Variants in HIVEP1 observed in about 807,000 individuals in gnomAD.
HIVEP1 encodes zinc finger protein 40.
HIVEP1 carries 36 observed loss-of-function variants against 180.0 expected under a neutral mutation model. That is an observed-to-expected ratio of 0.20 (90% CI 0.15 to 0.26). The LOEUF is 0.26. Among genes scored for constraint, HIVEP1 ranks in the 10% least tolerant of loss-of-function variants. The pLI is 1.00. For missense variants in HIVEP1, 3,143 were observed against 3,268.7 expected, an observed-to-expected ratio of 0.96 and a Z score of 0.94; for synonymous variants, 1,239 against 1,239.0, an observed-to-expected ratio of 1.00 and a Z score of 0.00.
intron 2 of HIVEP1, among the ~76,000 whole-genome samples, chr6:12,056,843 G>GT (rs1015193739): frequency 0.017 from 2,470 of 143,656 alleles, 57 homozygotes; most frequent in African/African-American, 0.055. Context: ...TTTTGTTTTT[G>GT]TTTTTTTTTT....
At chr6:12,054,669 CT>C (rs931275753) in intron 2 of HIVEP1, among the ~76,000 whole-genome samples, 46 of 152,220 alleles carry the variant, frequency 3.0e-4, no homozygotes, top group African/African-American at 1.1e-3. Context: ...CCATAATGAA[CT>C]TTTTTTGCTG....
intron 6 of HIVEP1, among the ~76,000 whole-genome samples, chr6:12,135,419 C>T (rs977761738): frequency 1.3e-4 from 20 of 152,096 alleles, no homozygotes; most frequent in Non-Finnish European, 2.8e-4. Flanking sequence ...TGAGAAAGAG[C>T]CAGCAGTCAT....
intron 2 of HIVEP1, among the ~76,000 whole-genome samples, chr6:12,079,441 T>C (rs1476739447): frequency 2.0e-5 from 3 of 152,196 alleles, no homozygotes; most frequent in African/African-American, 7.2e-5. Flanking sequence ...GAAGTGCACA[T>C]TGAACTTTTC....
At chr6:12,107,574 C>T (rs1774516524) in intron 3 of HIVEP1, among the ~76,000 whole-genome samples, 1 of 152,102 alleles carries the variant, frequency 6.6e-6, no homozygotes, top group Non-Finnish European at 1.5e-5. Flanking sequence ...CAGTTTGTTC[C>T]TTCTGATGTT....
intron 2 of HIVEP1, among the ~76,000 whole-genome samples, chr6:12,077,817 G>C (rs938256475): frequency 4.6e-5 from 7 of 152,092 alleles, no homozygotes; most frequent in Admixed American, 3.3e-4. Flanking sequence ...CTCAAGAGGG[G>C]GTTGGACAGT....
At chr6:12,014,850 C>T (rs1212801539) in intron 1 of HIVEP1, among the ~76,000 whole-genome samples, 2 of 152,196 alleles carry the variant, frequency 1.3e-5, no homozygotes, top group East Asian at 1.9e-4. Flanking sequence ...GTGTTTCTGG[C>T]GTATGCTGTG....
intron 3 of HIVEP1, among the ~76,000 whole-genome samples, chr6:12,102,882 C>T (rs1365747654): frequency 6.6e-6 from 1 of 152,024 alleles, no homozygotes; most frequent in East Asian, 1.9e-4. Flanking sequence ...TAAGTACATA[C>T]TTATAAAATG....
chr6:12,092,026 G>A (rs756420975), intron 3 of HIVEP1, among the ~76,000 whole-genome samples: 3 of 152,030 alleles, frequency 2.0e-5, no homozygotes, highest in Non-Finnish European at 4.4e-5. Context: ...ATCATACAAT[G>A]TTTGACACAT....
At chr6:12,090,253 T>G (rs1773383270) in intron 3 of HIVEP1, among the ~76,000 whole-genome samples, 1 of 152,150 alleles carries the variant, frequency 6.6e-6, no homozygotes, top group Non-Finnish European at 1.5e-5. Flanking sequence ...ATTCCGTGAT[T>G]TATTATTTAT....
At chr6:12,112,819 C>A (rs904164190) in intron 3 of HIVEP1, among the ~76,000 whole-genome samples, 1 of 152,134 alleles carries the variant, frequency 6.6e-6, no homozygotes, top group African/African-American at 2.4e-5. Flanking sequence ...CAGCCCCTCC[C>A]CCATGGCAAG....
intron 2 of HIVEP1, among the ~76,000 whole-genome samples, chr6:12,050,543 G>A (rs568350984): frequency 5.4e-4 from 82 of 151,414 alleles, no homozygotes; most frequent in African/African-American, 1.9e-3. Context: ...CCGAGATCAC[G>A]CCACTACACT....
chr6:12,131,847 G>C (rs1324314440), intron 6 of HIVEP1, among the ~76,000 whole-genome samples: 4 of 146,762 alleles, frequency 2.7e-5, no homozygotes, highest in African/African-American at 1.0e-4. Context: ...TATCCTTTGA[G>C]TTAACATTTA....
chr6:12,021,699 C>T (rs1364542062), intron 2 of HIVEP1, among the ~76,000 whole-genome samples: 1 of 152,162 alleles, frequency 6.6e-6, no homozygotes, highest in East Asian at 1.9e-4. Flanking sequence ...GAGTTTCACT[C>T]TTGTTGTCCA....
intron 7 of HIVEP1, among the ~76,000 whole-genome samples, chr6:12,149,737 G>T (rs1041494439): frequency 2.6e-5 from 4 of 151,950 alleles, no homozygotes; most frequent in South Asian, 2.1e-4. Context: ...TCCTTTTAAG[G>T]ATCCTAGACC....
At chr6:12,066,460 TA>T (rs1358395969) in intron 2 of HIVEP1, among the ~76,000 whole-genome samples, 1 of 152,224 alleles carries the variant, frequency 6.6e-6, no homozygotes, top group African/African-American at 2.4e-5. Flanking sequence ...CAGCAGCTGA[TA>T]AATGATCAGA....
chr6:12,142,125 T>C (rs1367803687), intron 7 of HIVEP1, among the ~76,000 whole-genome samples: 1 of 152,182 alleles, frequency 6.6e-6, no homozygotes. Flanking sequence ...ATTGACCACA[T>C]AGTTGGAAGT....
intron 2 of HIVEP1, among the ~76,000 whole-genome samples, chr6:12,056,935 C>G (rs957202848): frequency 2.6e-5 from 4 of 151,850 alleles, no homozygotes; most frequent in Admixed American, 1.3e-4. Flanking sequence ...CTCCTGAGCT[C>G]AAGTGATCCT....
rs746351918 is a variant in HIVEP1 at position 12,124,631 on chromosome 6, G to A, written c.4836G>A (p.Ser1612=). The A allele has an allele frequency of 7.4e-6, 12 of 1,613,952 alleles. No homozygotes were observed. Among genetic ancestry groups the A allele is most frequent in the African/African-American group, 1.3e-5 (1 of 74,892 alleles). ...AATTAATTGACAGCATGTCTAATTC[G>A]CATCCTCTGCTACCACCAGAGCTCA... ...PTKLIDSMSN[S]HPLLPPELRP... is the part of the protein sequence containing the mutation. Residue 1612 remains serine (S), a synonymous_variant, in exon 4 of 9, where the codon TCG becomes TCA. Transcript: ENST00000379388.
intron 2 of HIVEP1, among the ~76,000 whole-genome samples, chr6:12,035,987 A>G (rs927690722): frequency 6.6e-6 from 1 of 152,206 alleles, no homozygotes; most frequent in African/African-American, 2.4e-5. Context: ...ATATGGAAAC[A>G]TCGTTCTCTG....
Sources: gnomAD v4.1 joint callset for allele counts (sites outside exome capture counted in the v4.1 genomes callset) on GRCh38, gnomAD v4.1.1 for gene constraint, MANE v1.5 for transcripts, NCBI Gene and HGNC (gene_info 2026-07-23, HGNC 2026-07-21) for gene names.